Variants in PCDH11Y observed in about 807,000 individuals in gnomAD.
PCDH11Y encodes protocadherin 11 Y-linked, also known as protocadherin-11 Y-linked.
For synonymous variants in PCDH11Y, 9 were observed against 83.6 expected, an observed-to-expected ratio of 0.11 and a Z score of 4.87; for missense variants, 12 against 224.8, an observed-to-expected ratio of 0.05 and a Z score of 6.05.
intron 2 of PCDH11Y, among the ~76,000 whole-genome samples, chrY:5,129,438 AACAC>A (rs753570084): frequency 2.0e-3 from 37 of 18,909 alleles, no homozygotes; most frequent in Non-Finnish European, 2.9e-3. Context: ...CACCACCCTC[AACAC>A]ACACACACAC....
chrY:5,004,569 C>G (rs187139062), intron 1 of PCDH11Y, among the ~76,000 whole-genome samples: 84 of 33,056 alleles, frequency 2.5e-3, no homozygotes, highest in African/African-American at 9.0e-3. Context: ...TGGAGCAAGG[C>G]GAGGCACATC....
At chrY:5,706,035 CCT>C (rs2053582728) in intron 4 of PCDH11Y, among the ~76,000 whole-genome samples, 1 of 27,467 alleles carries the variant, frequency 3.6e-5, no homozygotes, top group Non-Finnish European at 8.7e-5. Context: ...TACACAGAAG[CCT>C]TTTTTTTTTT....
chrY:5,528,968 T>A (rs2053390324), intron 3 of PCDH11Y, among the ~76,000 whole-genome samples: 1 of 33,559 alleles, frequency 3.0e-5, no homozygotes, highest in African/African-American at 1.1e-4. Flanking sequence ...ATATATGTTT[T>A]AACTACCAGG....
intron 2 of PCDH11Y, among the ~76,000 whole-genome samples, chrY:5,266,543 A>G (rs2053026601): frequency 6.1e-5 from 2 of 32,795 alleles, no homozygotes. Flanking sequence ...CAAAAAAACA[A>G]AAAAATAGCC....
intron 2 of PCDH11Y, among the ~76,000 whole-genome samples, chrY:5,339,572 G>T: frequency 6.4e-5 from 2 of 31,349 alleles, no homozygotes; most frequent in Non-Finnish European, 1.5e-4. Context: ...CAGGTGATCC[G>T]CCCTCCTCAG....
At chrY:5,627,848 G>A in intron 4 of PCDH11Y, among the ~76,000 whole-genome samples, 1 of 31,811 alleles carries the variant, frequency 3.1e-5, no homozygotes, top group African/African-American at 1.2e-4. Context: ...ATAGCACTTG[G>A]GACAGAAATA....
At chrY:5,503,931 G>T in intron 3 of PCDH11Y, among the ~76,000 whole-genome samples, 1 of 33,372 alleles carries the variant, frequency 3.0e-5, no homozygotes, top group African/African-American at 1.2e-4. Flanking sequence ...GGAATGTAAA[G>T]TGTTAGAGGA....
At chrY:5,215,415 T>C in intron 2 of PCDH11Y, among the ~76,000 whole-genome samples, 2 of 31,650 alleles carry the variant, frequency 6.3e-5, no homozygotes, top group Non-Finnish European at 1.5e-4. Flanking sequence ...GCCTCACTAC[T>C]GTTGTGCTGA....
intron 2 of PCDH11Y, among the ~76,000 whole-genome samples, chrY:5,311,357 T>C (rs2053099501): frequency 3.4e-5 from 1 of 29,351 alleles, no homozygotes; most frequent in Non-Finnish European, 7.9e-5. Context: ...CACACAATAC[T>C]TTTAAGGGTA....
intron 1 of PCDH11Y, among the ~76,000 whole-genome samples, chrY:5,001,241 T>C: frequency 3.0e-5 from 1 of 33,622 alleles, no homozygotes; most frequent in Admixed American, 2.6e-4. Context: ...CTTCCCGCCC[T>C]ATTTATGGGG....
chrY:5,389,626 G>A (rs2053219775), intron 2 of PCDH11Y, among the ~76,000 whole-genome samples: 1 of 32,041 alleles, frequency 3.1e-5, no homozygotes, highest in African/African-American at 1.2e-4. Flanking sequence ...AACACGGCGG[G>A]AGGTGACTGA....
At chrY:5,343,220 A>C in intron 2 of PCDH11Y, among the ~76,000 whole-genome samples, 2 of 32,202 alleles carry the variant, frequency 6.2e-5, no homozygotes, top group Admixed American at 2.8e-4. Flanking sequence ...AATGCAAACT[A>C]AGCATGCATA....
intron 3 of PCDH11Y, among the ~76,000 whole-genome samples, chrY:5,515,712 A>G (rs2053371526): frequency 6.0e-5 from 2 of 33,373 alleles, no homozygotes; most frequent in Non-Finnish European, 1.5e-4. Context: ...TGGTACTGGT[A>G]TAAAAACAGG....
chrY:5,741,246 C>T, exon 5 of PCDH11Y: 1 of 25,180 alleles, frequency 4.0e-5, no homozygotes, highest in African/African-American at 1.6e-4. Context: ...ATATTTATCA[C>T]ACATGGTCAT....
At chrY:5,358,057 C>T in intron 2 of PCDH11Y, among the ~76,000 whole-genome samples, 1 of 33,266 alleles carries the variant, frequency 3.0e-5, no homozygotes, top group Non-Finnish European at 7.4e-5. Flanking sequence ...CTGCCTCCGC[C>T]TCCCGAGTAG....
chrY:5,348,444 A>T, intron 2 of PCDH11Y, among the ~76,000 whole-genome samples: 1 of 32,431 alleles, frequency 3.1e-5, no homozygotes, highest in Non-Finnish European at 7.5e-5. Flanking sequence ...AATCTTTACA[A>T]TGACCTACAA....
intron 4 of PCDH11Y, among the ~76,000 whole-genome samples, chrY:5,728,244 C>T (rs2053600350): frequency 3.0e-5 from 1 of 33,309 alleles, no homozygotes; most frequent in Non-Finnish European, 7.5e-5. Flanking sequence ...AAAATTTCTA[C>T]GATAACATAC....
At chrY:5,023,494 T>C in intron 1 of PCDH11Y, among the ~76,000 whole-genome samples, 1 of 34,349 alleles carries the variant, frequency 2.9e-5, no homozygotes, top group African/African-American at 1.1e-4. Context: ...CTGTCCTTCA[T>C]AGCATTCTAT....
chrY:5,503,111 T>C, intron 3 of PCDH11Y, among the ~76,000 whole-genome samples: 2 of 33,129 alleles, frequency 6.0e-5, no homozygotes, highest in African/African-American at 2.3e-4. Context: ...TAGTTAAGGA[T>C]ATAAGTGCTA....
Sources: allele counts gnomAD v4.1 joint callset (sites outside exome capture counted in the v4.1 genomes callset), GRCh38; gene constraint gnomAD v4.1.1; transcripts MANE v1.5; gene names NCBI Gene and HGNC (gene_info 2026-07-23, HGNC 2026-07-21).